The following TBC1D9 variants were observed in gnomAD, a reference collection of about 807,000 sequenced individuals.
TBC1D9 encodes the protein TBC1 domain family member 9A.
A neutral mutation model predicts 132.0 loss-of-function variants in TBC1D9; 63 were observed. The observed-to-expected ratio is 0.48, with a 90% CI of 0.39 to 0.59. The LOEUF (loss-of-function observed/expected upper bound fraction) is 0.59, where lower values mean the gene tolerates loss of function less well. Among genes scored for constraint, TBC1D9 ranks in the 20% least tolerant of loss-of-function variants. The pLI, the probability that TBC1D9 is intolerant of heterozygous loss-of-function variation, is 0.00. For missense variants in TBC1D9, 1,261 were observed against 1,592.7 expected, an observed-to-expected ratio of 0.79 and a Z score of 3.54; for synonymous variants, 610 against 609.9, an observed-to-expected ratio of 1.00 and a Z score of 0.00.
intron 1 of TBC1D9, among the ~76,000 whole-genome samples, chr4:140,742,480 C>T (rs1003037130): frequency 4.3e-5 from 6 of 139,120 alleles, no homozygotes; most frequent in African/African-American, 1.7e-4. Context: ...TGCAGTGAGC[C>T]GAGATTGCAC....
intron 1 of TBC1D9, chr4:140,715,767 A>G (rs1262504491): frequency 6.6e-6 from 1 of 152,086 alleles, no homozygotes; most frequent in Non-Finnish European, 1.5e-5. Flanking sequence ...AGGGCAAGCA[A>G]CTCCACCTGC....
In TBC1D9 at chr4:140,666,480, C is replaced by A. The variant is rs144508962; in HGVS notation, c.1588+2437G>T. 5.3e-3 allele frequency among the ~76,000 whole-genome samples: 807 copies of A among 152,266 alleles called. 7 individuals are homozygous for A. The highest frequency in any genetic ancestry group is 0.018 in the African/African-American group (730 of 41,552). Reference sequence around the variant, plus strand: ...CCTCCCGAGTAGCTGGGACTACAGGCGCCCGCCACCGCGCCCATCTAATTT... The same window carrying A: ...CCTCCCGAGTAGCTGGGACTACAGGAGCCCGCCACCGCGCCCATCTAATTT... On this transcript the variant is annotated intron_variant, in intron 9 of 20. Coordinates refer to ENST00000442267, the MANE Select transcript of TBC1D9 (RefSeq NM_015130.3).
rs1736726353 is a variant in TBC1D9 at position 140,627,425 on chromosome 4, G to A, written c.2899+16C>T. 1 of 1,533,374 alleles carries A rather than the reference G, an allele frequency of 6.5e-7. No individual in the cohort carries two copies. The highest frequency in any genetic ancestry group is 1.7e-5 in the Admixed American group (1 of 58,448). The allele number at this position is 1,533,374 out of a possible 1,614,324, so 95.0% of individuals were successfully genotyped here. A position where few individuals can be genotyped will look rare whatever the true frequency, so the allele number is the denominator to read the frequency against. On this transcript the variant is annotated intron_variant, in intron 18 of 20. Transcript: ENST00000442267. ...AGAAAACAAATATAGTATCTTTGGTGAGAAAAGTCACTTACCATGTGTACA... is the reference window on the plus strand; with the variant it reads ...AGAAAACAAATATAGTATCTTTGGTAAGAAAAGTCACTTACCATGTGTACA...
At chr4:140,684,389 T>C (rs1737749931) in intron 3 of TBC1D9, among the ~76,000 whole-genome samples, 1 of 152,166 alleles carries the variant, frequency 6.6e-6, no homozygotes, top group Admixed American at 6.5e-5. Flanking sequence ...AATAACTTTG[T>C]TGGTTCCCTT....
At chr4:140,672,631 G>A (rs1212739968) in intron 6 of TBC1D9, among the ~76,000 whole-genome samples, 1 of 152,126 alleles carries the variant, frequency 6.6e-6, no homozygotes, top group Non-Finnish European at 1.5e-5. Flanking sequence ...AAACAAGAAA[G>A]CTCCCACATA....
intron 16 of TBC1D9, among the ~76,000 whole-genome samples, chr4:140,633,566 T>C (rs1375885537): frequency 6.6e-6 from 1 of 152,214 alleles, no homozygotes. Context: ...TGAAATTACA[T>C]ATAAAATTTA....
At chr4:140,707,253 G>C (rs1255924201) in intron 1 of TBC1D9, among the ~76,000 whole-genome samples, 3 of 151,556 alleles carry the variant, frequency 2.0e-5, no homozygotes, top group Non-Finnish European at 4.4e-5. Flanking sequence ...CCTTTTTTGT[G>C]AGTTATTTGC....
intron 13 of TBC1D9, chr4:140,645,325 C>A: frequency 2.0e-6 from 1 of 503,574 alleles, no homozygotes; most frequent in Middle Eastern, 4.4e-4. Context: ...CAGGCCCCAG[C>A]CAGCCACTGC....
intron 1 of TBC1D9, among the ~76,000 whole-genome samples, chr4:140,739,017 T>C (rs573842243): frequency 6.6e-6 from 1 of 152,348 alleles, no homozygotes; most frequent in East Asian, 1.9e-4. Context: ...TGTTTTGTTT[T>C]GTTTTGCTTT....
chr4:140,648,385 GTTTT>G (rs1243797618), intron 13 of TBC1D9, among the ~76,000 whole-genome samples: 1 of 121,864 alleles, frequency 8.2e-6, no homozygotes. Flanking sequence ...TTTTGTTGTT[GTTTT>G]TTTTTTTTTT....
chr4:140,668,972 C>T lies in TBC1D9; in HGVS notation c.1533G>A (p.Leu511=), dbSNP rs762986228. 3.7e-6 allele frequency: 6 copies of T among 1,613,878 alleles called. No homozygotes were observed. The Admixed American group carries it at 1.0e-4, about 27-fold the overall frequency. The change falls in exon 9 of 21, where the codon CTG becomes CTA. Residue 511 remains leucine, a synonymous_variant. Transcript: ENST00000442267. ...TGCTCTCCGGGATGCCCTTCAACAC[C>T]AGCTCCCGCGTTTTCTCTGTGCGGT... is the stretch of plus-strand genomic sequence containing the variant. ...CMYRTEKTRE[L]VLKGIPESMR...
In TBC1D9 at chr4:140,624,211, C is replaced by T. The variant is rs1251250711; in HGVS notation, c.2983G>A (p.Ala995Thr). 1 of 1,611,540 alleles carries T rather than the reference C, an allele frequency of 6.2e-7. No homozygotes were observed. The highest frequency in any genetic ancestry group is 1.1e-5 in the South Asian group (1 of 90,498). Residue 995 changes from alanine to threonine, a missense_variant, in exon 20 of 21, where the codon GCA becomes ACA. By Grantham distance (58) the Ala-to-Thr change is moderately conservative. Coordinates refer to ENST00000442267, the MANE Select transcript of TBC1D9 (RefSeq NM_015130.3). The stretch of plus-strand genomic sequence containing the variant: ...TAATTACGATTTTCTTGGGAATTTG[C>T]TCTCTTCCCTACAACCCAAATGTCA... The part of the protein sequence containing the change: ...VSLKPDKGKR[A>T]NSQENRNYLR...
chr4:140,637,001 T>A (rs1736891130), intron 15 of TBC1D9, among the ~76,000 whole-genome samples: 1 of 152,146 alleles, frequency 6.6e-6, no homozygotes. Context: ...AGGGTTCAAA[T>A]GACACGGCTG....
At position 140,669,080 on chromosome 4, in the gene TBC1D9, A is replaced by T. The variant is rs770840740; in HGVS notation, c.1438-13T>A. On this transcript the variant is annotated splice_polypyrimidine_tract_variant and intron_variant, in intron 8 of 20. Coordinates refer to ENST00000442267, the MANE Select transcript of TBC1D9 (RefSeq NM_015130.3). ...GAAACTCTTTGGCCTGAAAGGGATA[A>T]TGAAACATTATGACATCCAAAGTAC... 2 of 1,613,506 alleles carry T rather than the reference A, an allele frequency of 1.2e-6. No individual in the cohort carries two copies. The highest frequency in any genetic ancestry group is 4.5e-5 in the East Asian group (2 of 44,904).
intron 1 of TBC1D9, among the ~76,000 whole-genome samples, chr4:140,719,868 G>A (rs189518349): frequency 1.4e-4 from 22 of 152,254 alleles, no homozygotes; most frequent in African/African-American, 5.3e-4. Flanking sequence ...GTTGGGTTTG[G>A]TGGAAGGTAG....
Position 140,643,156 on chromosome 4 carries a change from T to C in TBC1D9, c.2338-3728A>G, listed in dbSNP as rs932328564. 2.2e-5 allele frequency: 31 copies of C among 1,440,506 alleles called. No individual in the cohort carries two copies. The Admixed American group carries it at 2.8e-4, about 13-fold the overall frequency. The allele number at this position is 1,440,506 out of a possible 1,614,324, so 89.2% of individuals were successfully genotyped here. On this transcript the variant is annotated intron_variant, in intron 13 of 20. Transcript: ENST00000442267. ...GGCCCATCCAGCACCTCCCTCAGCATGTGGCTGCCGGCTGCCAGCAGGCTC... is the reference window on the plus strand; with the variant it reads ...GGCCCATCCAGCACCTCCCTCAGCACGTGGCTGCCGGCTGCCAGCAGGCTC...
intron 1 of TBC1D9, 100 bp from the exon 2 acceptor site, chr4:140,701,714 C>T: frequency 1.2e-6 from 1 of 850,746 alleles, no homozygotes; most frequent in Non-Finnish European, 1.9e-6. Context: ...GATCTTCCAA[C>T]AACCCCATCT....
chr4:140,676,455 C>T (rs958633349), intron 6 of TBC1D9, among the ~76,000 whole-genome samples: 3 of 152,160 alleles, frequency 2.0e-5, no homozygotes, highest in African/African-American at 7.2e-5. Context: ...GAGTTCGAGA[C>T]CAGTCTGCCC....
intron 1 of TBC1D9, 67 bp downstream of exon 1, chr4:140,755,849 C>T (rs576329427): frequency 7.6e-7 from 1 of 1,314,692 alleles, no homozygotes; most frequent in Non-Finnish European, 9.5e-7. Flanking sequence ...GAGCCTGCAG[C>T]CCAGGCCGCG....
Sources: allele counts gnomAD v4.1 joint callset (sites outside exome capture counted in the v4.1 genomes callset), GRCh38; gene constraint gnomAD v4.1.1; transcripts MANE v1.5; gene names NCBI Gene and HGNC (gene_info 2026-07-23, HGNC 2026-07-21).